Variants in ACADSB observed in about 807,000 individuals in gnomAD.
ACADSB encodes the protein acyl-CoA dehydrogenase short/branched chain, also known as short/branched chain specific acyl-CoA dehydrogenase, mitochondrial.
A neutral mutation model predicts 54.1 loss-of-function variants in ACADSB; 40 were observed. The ratio of observed to expected loss-of-function variants is 0.74; its 90% CI spans 0.57 to 0.96. The LOEUF is 0.96. Ranked by LOEUF, ACADSB falls within the 40% of genes least tolerant of loss-of-function variation. ACADSB has a pLI of 0.00. For synonymous variants in ACADSB, 182 were observed against 182.8 expected (o/e 1.00, Z 0.03); for missense variants, 530 against 510.4 (o/e 1.04, Z -0.37).
At chr10:123,024,520 G>A (rs1850224206) in intron 1 of ACADSB, among the ~76,000 whole-genome samples, 1 of 152,242 alleles carries the variant, frequency 6.6e-6, no homozygotes, top group Non-Finnish European at 1.5e-5. Context: ...CCTGGATGGA[G>A]CAGAAAGGAA....
intron 1 of ACADSB, among the ~76,000 whole-genome samples, chr10:123,027,876 G>A (rs901826906): frequency 1.3e-5 from 2 of 152,202 alleles, no homozygotes; most frequent in Non-Finnish European, 2.9e-5. Context: ...GGGTAATGAG[G>A]TGTGATCTGA....
chr10:123,043,946 GC>G (rs1406744922), intron 6 of ACADSB, among the ~76,000 whole-genome samples: 2 of 152,090 alleles, frequency 1.3e-5, no homozygotes, highest in African/African-American at 4.8e-5. Context: ...GTACACACAT[GC>G]ACACACACAT....
chr10:123,044,645 T>C (rs981187513), intron 7 of ACADSB, among the ~76,000 whole-genome samples, 160 bp downstream of exon 7: 3 of 152,240 alleles, frequency 2.0e-5, no homozygotes, highest in African/African-American at 4.8e-5. Context: ...CAAATTCCCT[T>C]TTGGTCAATT....
At chr10:123,041,187 C>A in intron 4 of ACADSB, 22 bp from the exon 5 acceptor site, 3 of 1,612,888 alleles carry the variant, frequency 1.9e-6, no homozygotes, top group Non-Finnish European at 2.5e-6. Context: ...TTAATTTGGA[C>A]ATTTTTTTCT....
Position 123,037,786 on chromosome 10 carries a change from C to T in ACADSB, c.242C>T (p.Ser81Leu). ...CAGGAACAAATTGCACCTTTGGTTT[C>T]AACCATGGATGAAAATTCGAAAATG... is the stretch of plus-strand genomic sequence containing the variant. ...FAQEQIAPLV[S>L]TMDENSKMEK... Residue 81 changes from serine (S) to leucine (L), a missense_variant, in exon 3 of 11, where the codon TCA (serine) becomes TTA (leucine). Physicochemically the swap from Ser to Leu is moderately radical, Grantham distance 145 (BLOSUM62 -2). Transcript: ENST00000358776. The T allele has an allele frequency of 6.2e-7, 1 of 1,612,504 alleles. No individual in the cohort carries two copies. Among genetic ancestry groups the T allele is most frequent in the Non-Finnish European group, 8.5e-7 (1 of 1,178,744 alleles).
intron 6 of ACADSB, 36 bp downstream of exon 6, chr10:123,043,207 C>T (rs765541724): frequency 2.0e-5 from 33 of 1,610,078 alleles, no homozygotes; most frequent in African/African-American, 2.7e-5. Context: ...AAGACTGATG[C>T]GAAATAAGCC....
At chr10:123,010,856 G>A (rs1325194875) in intron 1 of ACADSB, among the ~76,000 whole-genome samples, 1 of 152,158 alleles carries the variant, frequency 6.6e-6, no homozygotes, top group Non-Finnish European at 1.5e-5. Context: ...CTAACCCCAT[G>A]TCATGTAGGT....
At chr10:123,047,938 G>A (rs562157320) in intron 8 of ACADSB, among the ~76,000 whole-genome samples, 1 of 152,308 alleles carries the variant, frequency 6.6e-6, no homozygotes, top group South Asian at 2.1e-4. Context: ...TTGGTCCAGT[G>A]CTGTGGCTTC....
intron 7 of ACADSB, among the ~76,000 whole-genome samples, chr10:123,046,716 C>T (rs1331224259): frequency 6.6e-6 from 1 of 152,202 alleles, no homozygotes; most frequent in Admixed American, 6.5e-5. Flanking sequence ...AATGCCCTCC[C>T]ATTGAAGCTC....
At chr10:123,039,997 C>T (rs990132099) in intron 3 of ACADSB, among the ~76,000 whole-genome samples, 1 of 151,834 alleles carries the variant, frequency 6.6e-6, no homozygotes, top group Non-Finnish European at 1.5e-5. Context: ...TTACTTATGG[C>T]AAAATTGCTA....
intron 1 of ACADSB, among the ~76,000 whole-genome samples, chr10:123,029,973 T>C (rs962856537): frequency 6.6e-6 from 1 of 152,186 alleles, no homozygotes; most frequent in Non-Finnish European, 1.5e-5. Flanking sequence ...CATCCTCACT[T>C]GGCAGAACGG....
At position 123,056,659 on chromosome 10, in the gene ACADSB, A is replaced by G. The variant is rs920760560; in HGVS notation, c.*2894A>G. 1 of 152,226 alleles carries G rather than the reference A, an allele frequency of 6.6e-6. No homozygotes were observed. The highest frequency in any genetic ancestry group is 2.4e-5 in the African/African-American group (1 of 41,462). The allele number at this position is 152,226 out of a possible 1,614,324, so 9.4% of individuals were successfully genotyped here. A position where few individuals can be genotyped will look rare whatever the true frequency, so the allele number is the denominator to read the frequency against. ...TTTTGATATTTTCTGAAAGAGGAAC[A>G]TGTGTTAGAGATGAAGAATCTTCCA... On this transcript the variant is annotated 3_prime_UTR_variant, in exon 11 of 11. Transcript: ENST00000358776.
intron 6 of ACADSB, among the ~76,000 whole-genome samples, chr10:123,044,133 A>G (rs1005147092): frequency 2.6e-5 from 4 of 152,166 alleles, no homozygotes; most frequent in East Asian, 1.9e-4. Flanking sequence ...GATGAATTCT[A>G]TGAGATTCCC....
rs12570116 is a variant in ACADSB at position 123,016,959 on chromosome 10, C to T, written c.42+7888C>T. Among the ~76,000 whole-genome samples, 736 of 152,212 alleles carry T rather than the reference C, an allele frequency of 4.8e-3. 12 individuals carry two copies. The highest frequency in any genetic ancestry group is 0.034 in the Admixed American group (520 of 15,294). On this transcript the variant is annotated intron_variant, in intron 1 of 10. Transcript: ENST00000358776. ...GAATGCATACTGAGGAGGTTGTGAACGTGGTTCATGCTCCCTTCACTCAAT... is the reference window on the plus strand; with the variant it reads ...GAATGCATACTGAGGAGGTTGTGAATGTGGTTCATGCTCCCTTCACTCAAT...
At chr10:123,045,131 G>GTATATATATATATATATA (rs759224009) in intron 7 of ACADSB, among the ~76,000 whole-genome samples, 1 of 26,878 alleles carries the variant, frequency 3.7e-5, no homozygotes, top group Non-Finnish European at 6.5e-5. Context: ...TTTGTAGAGT[G>GTATATATATATATATATA]TATATATATA....
At chr10:123,042,976 A>T in intron 5 of ACADSB, 70 bp from the exon 6 acceptor site, 1 of 1,565,192 alleles carries the variant, frequency 6.4e-7, no homozygotes, top group Non-Finnish European at 8.8e-7. Context: ...TTTTCTTTTT[A>T]CTTAAACTCT....
intron 1 of ACADSB, among the ~76,000 whole-genome samples, chr10:123,014,032 G>C (rs1850080516): frequency 1.3e-5 from 2 of 152,226 alleles, no homozygotes; most frequent in Non-Finnish European, 2.9e-5. Flanking sequence ...CCGAGAGCAA[G>C]CGAGGGCTGC....
chr10:123,040,377 T>C, intron 3 of ACADSB, 89 bp from the exon 4 acceptor site: 1 of 1,104,154 alleles, frequency 9.1e-7, no homozygotes, highest in Non-Finnish European at 1.3e-6. Context: ...ATAAATATGG[T>C]TACAGTTTAT....
rs1850472886 is a variant in ACADSB, at chr10:123,041,465, G to A, written c.681+86G>A. On this transcript the variant is annotated intron_variant, in intron 5 of 10. Coordinates refer to ENST00000358776, the MANE Select transcript of ACADSB (RefSeq NM_001609.4). ...TTTTCCTCCTTCTGTTTCCTTTTTA[G>A]GACTTCATCTTGAACTCTTTAGTCT... is the stretch of plus-strand genomic sequence containing the variant. 2.1e-6 allele frequency: 3 copies of A among 1,427,624 alleles called. No homozygotes were observed. In the African/African-American group the frequency reaches 4.3e-5, roughly 20 times the overall value. 88.4% of individuals were successfully genotyped at this position (1,427,624 alleles called of 1,614,324 possible). A position where few individuals can be genotyped will look rare whatever the true frequency, so the allele number is the denominator to read the frequency against.
Sources: allele counts gnomAD v4.1 joint callset (sites outside exome capture counted in the v4.1 genomes callset), GRCh38; gene constraint gnomAD v4.1.1; transcripts MANE v1.5; gene names NCBI Gene and HGNC (gene_info 2026-07-23, HGNC 2026-07-21).